Variants in QKI observed in about 807,000 individuals in gnomAD.
QKI encodes the protein QKI, KH domain containing RNA binding.
QKI carries 10 observed loss-of-function variants against 39.0 expected under a neutral mutation model. The ratio of observed to expected loss-of-function variants is 0.26; its 90% CI spans 0.16 to 0.43. QKI has a LOEUF of 0.43. Ranked by LOEUF, QKI falls within the 20% of genes least tolerant of loss-of-function variation. QKI has a pLI of 1.00. For synonymous variants in QKI, 204 were observed against 155.4 expected, an observed-to-expected ratio of 1.31 and a Z score of -2.33; for missense variants, 218 against 428.0, an observed-to-expected ratio of 0.51 and a Z score of 4.33.
At chr6:163,550,743 G>A (rs1303000900) in intron 4 of QKI, among the ~76,000 whole-genome samples, 2 of 152,054 alleles carry the variant, frequency 1.3e-5, no homozygotes, top group South Asian at 2.1e-4. Flanking sequence ...TCAGGAGATC[G>A]AGACCATCCT....
chr6:163,477,583 A>G (rs1025980017), intron 2 of QKI, among the ~76,000 whole-genome samples: 1 of 152,186 alleles, frequency 6.6e-6, no homozygotes, highest in Non-Finnish European at 1.5e-5. Flanking sequence ...GAATATAAAG[A>G]GCTATTAGCA....
intron 4 of QKI, among the ~76,000 whole-genome samples, chr6:163,560,878 T>C (rs530886126): frequency 6.6e-6 from 1 of 152,308 alleles, no homozygotes; most frequent in East Asian, 1.9e-4. Flanking sequence ...CAAAAACAAC[T>C]GGAACAGTAA....
chr6:163,498,782 CTA>C (rs1303050496), intron 3 of QKI, among the ~76,000 whole-genome samples: 1 of 152,138 alleles, frequency 6.6e-6, no homozygotes, highest in Non-Finnish European at 1.5e-5. Context: ...AAACTAGACT[CTA>C]AGCGTGCTCA....
chr6:163,492,049 TTG>T (rs1383628499), intron 3 of QKI, among the ~76,000 whole-genome samples: 1 of 152,200 alleles, frequency 6.6e-6, no homozygotes, highest in African/African-American at 2.4e-5. Context: ...CATCTTGTAG[TTG>T]TGTCTTATGT....
intron 2 of QKI, among the ~76,000 whole-genome samples, chr6:163,465,298 A>G (rs1409682150): frequency 6.6e-6 from 1 of 152,094 alleles, no homozygotes; most frequent in East Asian, 1.9e-4. Context: ...TCCATTAAAT[A>G]TGGTAAGTTC....
At chr6:163,467,989 C>T (rs1052650239) in intron 2 of QKI, among the ~76,000 whole-genome samples, 1 of 152,120 alleles carries the variant, frequency 6.6e-6, no homozygotes, top group African/African-American at 2.4e-5. Flanking sequence ...TGTATTCATT[C>T]TGTATTTTTA....
At chr6:163,426,555 C>G (rs1299081557) in intron 1 of QKI, among the ~76,000 whole-genome samples, 1 of 151,968 alleles carries the variant, frequency 6.6e-6, no homozygotes, top group African/African-American at 2.4e-5. Context: ...GAAGGTGCCC[C>G]ATCGACCAAA....
chr6:163,493,821 C>A (rs1173751802), intron 3 of QKI, among the ~76,000 whole-genome samples: 1 of 150,746 alleles, frequency 6.6e-6, no homozygotes, highest in East Asian at 2.0e-4. Context: ...AACGAATCTT[C>A]TAAAAAATCA....
At chr6:163,534,902 G>C in intron 3 of QKI, 80 bp from the exon 4 acceptor site, 1 of 1,103,804 alleles carries the variant, frequency 9.1e-7, no homozygotes, top group Non-Finnish European at 1.2e-6. Context: ...TGAAATAATT[G>C]ACAACAGGTT....
intron 1 of QKI, among the ~76,000 whole-genome samples, chr6:163,425,143 T>G (rs1448409459): frequency 6.6e-6 from 1 of 152,128 alleles, no homozygotes; most frequent in East Asian, 1.9e-4. Flanking sequence ...TATGTTTATT[T>G]GAGAAGTGGA....
chr6:163,416,425 G>GT (rs1186811885), intron 1 of QKI: 110 of 157,506 alleles, frequency 7.0e-4, no homozygotes, highest in South Asian at 3.6e-3. Flanking sequence ...GAGTTTGTTT[G>GT]TTTTTTTTTC....
At chr6:163,426,455 T>TA (rs1178597326) in intron 1 of QKI, among the ~76,000 whole-genome samples, 1 of 152,204 alleles carries the variant, frequency 6.6e-6, no homozygotes, top group Non-Finnish European at 1.5e-5. Context: ...GAAAGATTGA[T>TA]ACCTGGATTA....
chr6:163,423,061 G>C (rs1788116231), intron 1 of QKI: 1 of 152,266 alleles, frequency 6.6e-6, no homozygotes, highest in Admixed American at 6.5e-5. Context: ...ACTTTGGGAG[G>C]CCGAGGCAGG....
At chr6:163,495,188 T>G (rs1778329803) in intron 3 of QKI, among the ~76,000 whole-genome samples, 1 of 152,196 alleles carries the variant, frequency 6.6e-6, no homozygotes, top group South Asian at 2.1e-4. Flanking sequence ...GTGCTGGGAT[T>G]ACAGGCATGA....
chr6:163,539,826 C>T (rs116313447), intron 4 of QKI, among the ~76,000 whole-genome samples: 1,671 of 152,242 alleles, frequency 0.011, 28 homozygotes, highest in African/African-American at 0.038. Context: ...ATGCCTATTT[C>T]TCAACACACA....
chr6:163,568,200 C>T (rs997666944), intron 7 of QKI: 4 of 984,126 alleles, frequency 4.1e-6, no homozygotes, highest in Non-Finnish European at 4.8e-6. Context: ...AGGTTTTATT[C>T]ATATTGCTAA....
intron 1 of QKI, among the ~76,000 whole-genome samples, chr6:163,426,105 A>G (rs1365756560): frequency 6.6e-6 from 1 of 152,222 alleles, no homozygotes; most frequent in African/African-American, 2.4e-5. Flanking sequence ...CCTACAGATA[A>G]CGTAATAACC....
chr6:163,535,303 A>G (rs961102515), intron 4 of QKI, among the ~76,000 whole-genome samples, 178 bp downstream of exon 4: 5 of 152,194 alleles, frequency 3.3e-5, no homozygotes, highest in African/African-American at 9.6e-5. Flanking sequence ...GTTCGTATTT[A>G]GGGGTCCTTA....
intron 4 of QKI, among the ~76,000 whole-genome samples, chr6:163,556,503 C>CAAAAAAA (rs61233361): frequency 1.2e-4 from 10 of 83,028 alleles, no homozygotes; most frequent in Non-Finnish European, 1.8e-4. Context: ...AATTCCACCT[C>CAAAAAAA]AAAAAAAAAA....
Sources: gnomAD v4.1 joint callset for allele counts (sites outside exome capture counted in the v4.1 genomes callset) on GRCh38, gnomAD v4.1.1 for gene constraint, MANE v1.5 for transcripts, NCBI Gene and HGNC (gene_info 2026-07-23, HGNC 2026-07-21) for gene names.